The following TTLL5 variants were observed in gnomAD, a reference collection of about 807,000 sequenced individuals.
TTLL5 encodes tubulin tyrosine ligase like 5.
A neutral mutation model predicts 168.4 loss-of-function variants in TTLL5; 132 were observed. That is an observed-to-expected ratio of 0.78 (90% CI 0.68 to 0.91). The LOEUF is 0.91. Among genes scored for constraint, TTLL5 ranks in the 40% least tolerant of loss-of-function variants. The pLI, the probability that TTLL5 is intolerant of heterozygous loss-of-function variation, is 0.00. For missense variants in TTLL5, 1,545 were observed against 1,581.5 expected (o/e 0.98, Z 0.39); for synonymous variants, 546 against 558.6 (o/e 0.98, Z 0.32).
In TTLL5 at chr14:75,948,176, G is replaced by C. The variant is rs1006001526; in HGVS notation, c.3824-6248G>C. Among the ~76,000 whole-genome samples the C allele has an allele frequency of 2.0e-5, 3 of 151,890 alleles. No homozygotes were observed. In the East Asian group the frequency reaches 5.8e-4, roughly 29 times the overall value. ...CCTCATATTTTTGGAAATTAAGAAA[G>C]AGTTAACTAATTTAAAAATCATAAT... is the stretch of plus-strand genomic sequence containing the variant. On this transcript the variant is annotated intron_variant, in intron 31 of 31. Transcript: ENST00000298832.
intron 18 of TTLL5, among the ~76,000 whole-genome samples, chr14:75,760,075 G>A (rs1255487488): frequency 6.6e-6 from 1 of 152,024 alleles, no homozygotes. Context: ...ATTTTTGGAT[G>A]ACACGATCAG....
At chr14:75,705,308 A>G (rs1287879822) in intron 7 of TTLL5, among the ~76,000 whole-genome samples, 1 of 152,252 alleles carries the variant, frequency 6.6e-6, no homozygotes, top group Non-Finnish European at 1.5e-5. Context: ...TTCTGACTTC[A>G]GAGCTGCTCA....
chr14:75,904,101 C>G, intron 31 of TTLL5: 2 of 1,244,868 alleles, frequency 1.6e-6, no homozygotes, highest in Admixed American at 3.0e-5. Flanking sequence ...CCACACTGAT[C>G]CATGGAAGTA....
chr14:75,883,531 A>G (rs2031932622), intron 30 of TTLL5, among the ~76,000 whole-genome samples: 2 of 152,354 alleles, frequency 1.3e-5, no homozygotes, highest in South Asian at 4.1e-4. Context: ...TTTGTGTCGC[A>G]GACATTTGTG....
intron 27 of TTLL5, among the ~76,000 whole-genome samples, chr14:75,805,131 G>A (rs1234070830): frequency 6.6e-6 from 1 of 152,000 alleles, no homozygotes; most frequent in Non-Finnish European, 1.5e-5. Context: ...TCTCTCAAAG[G>A]CCACTCATGA....
intron 6 of TTLL5, among the ~76,000 whole-genome samples, chr14:75,694,956 A>G (rs1324505317): frequency 6.6e-6 from 1 of 152,202 alleles, no homozygotes; most frequent in Non-Finnish European, 1.5e-5. Context: ...ATTGTTCGTA[A>G]AGCATGTGTT....
At chr14:75,884,147 G>A (rs563083594) in intron 30 of TTLL5, among the ~76,000 whole-genome samples, 6 of 152,292 alleles carry the variant, frequency 3.9e-5, no homozygotes, top group Non-Finnish European at 7.4e-5. Flanking sequence ...AGTAAGGCCC[G>A]GCCCAGGTAA....
intron 17 of TTLL5, 43 bp downstream of exon 17, chr14:75,745,624 A>G (rs372846374): frequency 2.6e-4 from 398 of 1,509,524 alleles, no homozygotes; most frequent in Non-Finnish European, 3.5e-4. Context: ...CCTGAGGTCC[A>G]TAGAATTAGA....
chr14:75,694,077 C>G (rs1885651025), intron 6 of TTLL5, among the ~76,000 whole-genome samples: 1 of 152,184 alleles, frequency 6.6e-6, no homozygotes, highest in African/African-American at 2.4e-5. Flanking sequence ...ACTGTAGGAA[C>G]TGGAAAGCAC....
chr14:75,803,921 G>A (rs911094071), intron 27 of TTLL5, among the ~76,000 whole-genome samples: 1 of 152,186 alleles, frequency 6.6e-6, no homozygotes, highest in African/African-American at 2.4e-5. Flanking sequence ...GGCCCTCTCC[G>A]TGCAGGCAAG....
At chr14:75,736,825 A>C (rs1053576553) in intron 15 of TTLL5, among the ~76,000 whole-genome samples, 1 of 152,240 alleles carries the variant, frequency 6.6e-6, no homozygotes, top group African/African-American at 2.4e-5. Flanking sequence ...GATTAAATAT[A>C]AAATCAGTTA....
Position 75,666,951 on chromosome 14 carries a change from T to A in TTLL5, c.75-2465T>A, listed in dbSNP as rs551728411. On this transcript the variant is annotated intron_variant, in intron 2 of 31. Transcript: ENST00000298832. ...GATTTTAATATGTACCAGTTTCTGA[T>A]GTGAATGAGAATATAAAGTCCCAAT... 4.6e-5 allele frequency among the ~76,000 whole-genome samples: 7 copies of A among 152,360 alleles called. No homozygotes were observed. The East Asian group carries it at 1.2e-3, about 25-fold the overall frequency.
intron 15 of TTLL5, chr14:75,737,442 C>A: frequency 1.2e-6 from 1 of 860,650 alleles, no homozygotes; most frequent in Non-Finnish European, 1.7e-6. Context: ...AAGTGTAGGG[C>A]TCTTGCTTTT....
intron 27 of TTLL5, among the ~76,000 whole-genome samples, chr14:75,811,191 G>GTGTGTGTA (rs1893998600): frequency 2.1e-5 from 3 of 142,656 alleles, no homozygotes; most frequent in African/African-American, 7.5e-5. Flanking sequence ...GTGTGTGTAT[G>GTGTGTGTA]TGTGTGTGTG....
chr14:75,731,422 C>G (rs1173979231), intron 12 of TTLL5, among the ~76,000 whole-genome samples: 3 of 131,682 alleles, frequency 2.3e-5, no homozygotes, highest in Non-Finnish European at 4.9e-5. Flanking sequence ...CACACACACA[C>G]AGGACTGTAC....
At chr14:75,941,035 G>T (rs1219053966) in intron 31 of TTLL5, among the ~76,000 whole-genome samples, 1 of 152,220 alleles carries the variant, frequency 6.6e-6, no homozygotes, top group Non-Finnish European at 1.5e-5. Context: ...TTGAGCTCTT[G>T]TTGGTTTTAG....
intron 18 of TTLL5, among the ~76,000 whole-genome samples, chr14:75,763,028 GGA>G (rs752085707): frequency 6.6e-6 from 1 of 152,028 alleles, no homozygotes; most frequent in Non-Finnish European, 1.5e-5. Context: ...ACACGTCATT[GGA>G]GAGAGAGTTT....
At chr14:75,776,180 G>A (rs959878481) in intron 22 of TTLL5, among the ~76,000 whole-genome samples, 1 of 152,206 alleles carries the variant, frequency 6.6e-6, no homozygotes, top group Admixed American at 6.5e-5. Flanking sequence ...GGTTTGGTCA[G>A]TTTGCAGAAG....
rs1255361071 is a variant in TTLL5 at position 75,764,654 on chromosome 14, T to C, written c.1590T>C (p.Ser530=). Residue 530 remains serine, a synonymous_variant, in exon 19 of 32, where the codon AGT becomes AGC. Coordinates refer to ENST00000298832, the MANE Select transcript of TTLL5 (RefSeq NM_015072.5). ...GAGCGCCAGAATTGAAGATAGAGAG[T>C]CTGAATTCAAAGGCCAAGCTGCATG... ...ADGAPELKIE[S]LNSKAKLHAA... 5.6e-6 allele frequency: 9 copies of C among 1,613,898 alleles called. No individual in the cohort carries two copies. Among genetic ancestry groups the C allele is most frequent in the Non-Finnish European group, 6.8e-6 (8 of 1,179,938 alleles).
Sources: allele counts gnomAD v4.1 joint callset (sites outside exome capture counted in the v4.1 genomes callset), GRCh38; gene constraint gnomAD v4.1.1; transcripts MANE v1.5; gene names NCBI Gene and HGNC (gene_info 2026-07-23, HGNC 2026-07-21).